The following ABCB5 variants were observed in gnomAD, a reference collection of about 807,000 sequenced individuals.
ABCB5 encodes the protein ATP-binding cassette sub-family B member 5.
Under a neutral mutation model 144.2 loss-of-function variants are expected in ABCB5, and 155 were observed. The ratio of observed to expected loss-of-function variants is 1.08; its 90% CI spans 0.94 to 1.23. ABCB5 has a LOEUF of 1.23. Ranked by LOEUF, ABCB5 falls within the 50% of genes most tolerant of loss-of-function variation. The pLI is 0.00. For missense variants in ABCB5, 1,830 were observed against 1,520.8 expected, an observed-to-expected ratio of 1.20 and a Z score of -3.38; for synonymous variants, 610 against 528.6, an observed-to-expected ratio of 1.15 and a Z score of -2.11.
In ABCB5 at chr7:20,652,674, C is replaced by T. The variant is rs181086561; in HGVS notation, c.1536+1051C>T. On this transcript the variant is annotated intron_variant, in intron 13 of 27. Coordinates refer to ENST00000404938, the MANE Select transcript of ABCB5 (RefSeq NM_001163941.2). ...CTAAAATTATTGTTAACCAGACTTACGAGATCTTAATGGGTATTTAGAATT... is the reference window on the plus strand; with the variant it reads ...CTAAAATTATTGTTAACCAGACTTATGAGATCTTAATGGGTATTTAGAATT... 6.6e-5 allele frequency among the ~76,000 whole-genome samples: 10 copies of T among 152,300 alleles called. No individual in the cohort carries two copies. In the East Asian group the frequency reaches 9.6e-4, roughly 15 times the overall value.
At chr7:20,710,839 T>C (rs1299681054) in intron 20 of ABCB5, among the ~76,000 whole-genome samples, 2 of 150,306 alleles carry the variant, frequency 1.3e-5, no homozygotes, top group Non-Finnish European at 3.0e-5. Flanking sequence ...CCATATGTTC[T>C]TTGCACAGTT....
Position 20,725,211 on chromosome 7 carries a change from T to C in ABCB5, c.2626-1829T>C, listed in dbSNP as rs573703012. 1.6e-4 allele frequency among the ~76,000 whole-genome samples: 24 copies of C among 152,332 alleles called. No homozygotes were observed. In the East Asian group the frequency reaches 4.4e-3, roughly 28 times the overall value. On this transcript the variant is annotated intron_variant, in intron 21 of 27. Coordinates refer to ENST00000404938, the MANE Select transcript of ABCB5 (RefSeq NM_001163941.2). ...ATTTACTAAACATCAATTTAGAACA[T>C]AGACTAATAAAATGTATCGGTCCTT...
At chr7:20,743,653 C>T (rs1782629366) in intron 25 of ABCB5, among the ~76,000 whole-genome samples, 1 of 152,004 alleles carries the variant, frequency 6.6e-6, no homozygotes, top group South Asian at 2.1e-4. Context: ...ACCTTGTCCT[C>T]CCCCCACCAC....
intron 24 of ABCB5, 125 bp from the exon 25 acceptor site, chr7:20,742,752 C>A: frequency 2.3e-6 from 2 of 874,910 alleles, no homozygotes; most frequent in Non-Finnish European, 3.6e-6. Flanking sequence ...GAGATGCATA[C>A]ATGTTTAAAA....
intron 25 of ABCB5, among the ~76,000 whole-genome samples, chr7:20,744,621 G>T (rs529431105): frequency 1.3e-5 from 2 of 151,062 alleles, no homozygotes; most frequent in Admixed American, 6.6e-5. Flanking sequence ...CATCCATGGG[G>T]GGAGGGGGGA....
At chr7:20,619,419 T>C (rs1346736407) in intron 1 of ABCB5, among the ~76,000 whole-genome samples, 1 of 152,340 alleles carries the variant, frequency 6.6e-6, no homozygotes, top group South Asian at 2.1e-4. Context: ...GGTTTTGATT[T>C]ACAATTTTCT....
intron 24 of ABCB5, among the ~76,000 whole-genome samples, chr7:20,740,704 A>G (rs75287108): frequency 5.9e-5 from 9 of 152,358 alleles, no homozygotes; most frequent in African/African-American, 2.2e-4. Flanking sequence ...AACCATAGGC[A>G]TGGCATAGAC....
intron 16 of ABCB5, 105 bp downstream of exon 16, chr7:20,685,941 C>T: frequency 8.6e-7 from 1 of 1,167,812 alleles, no homozygotes; most frequent in South Asian, 2.0e-5. Context: ...CTTACTGTAG[C>T]ACTAAGCTCA....
At chr7:20,744,422 T>C (rs1412283501) in intron 25 of ABCB5, among the ~76,000 whole-genome samples, 3 of 152,154 alleles carry the variant, frequency 2.0e-5, no homozygotes. Context: ...TCACTGTTCA[T>C]GTCTTAGTCT....
intron 1 of ABCB5, among the ~76,000 whole-genome samples, chr7:20,621,297 G>A (rs1783800572): frequency 6.6e-6 from 1 of 152,094 alleles, no homozygotes; most frequent in South Asian, 2.1e-4. Flanking sequence ...AAAAAGTTCT[G>A]AAGATAGATA....
Position 20,689,757 on chromosome 7 carries a change from G to A in ABCB5, c.2010+3921G>A, listed in dbSNP as rs73263618. On this transcript the variant is annotated intron_variant, in intron 16 of 27. Coordinates refer to ENST00000404938, the MANE Select transcript of ABCB5 (RefSeq NM_001163941.2). ...AAACCTCCTCCTGCAATGTCTTTGC[G>A]GCACCCTCTACTGACAGGGCTTAAC... Among the ~76,000 whole-genome samples the A allele has an allele frequency of 7.2e-5, 11 of 152,048 alleles. No homozygotes were observed. In the South Asian group the frequency reaches 1.7e-3, roughly 23 times the overall value.
rs765611731 is a variant in ABCB5, at chr7:20,658,607, G to T, written c.1638G>T (p.Leu546=). 6 of 1,614,192 alleles carry T rather than the reference G, an allele frequency of 3.7e-6. No homozygotes were observed. Among genetic ancestry groups the T allele is most frequent in the South Asian group, 2.2e-5 (2 of 91,086 alleles). Residue 546 remains leucine (L), a synonymous_variant, in exon 14 of 28, where the codon CTG becomes CTT. Transcript: ENST00000404938. ...ARALVRNPKI[L]ILDEATSALD... ...CCTTAGTTCGAAACCCCAAGATTCT[G>T]ATTTTAGATGAGGCTACGTCTGCCC...
At chr7:20,701,665 C>A (rs896377949) in intron 19 of ABCB5, among the ~76,000 whole-genome samples, 5 of 152,132 alleles carry the variant, frequency 3.3e-5, no homozygotes, top group Non-Finnish European at 5.9e-5. Context: ...ACAGTAGCTT[C>A]TGCTAATAAG....
chr7:20,717,647 A>C (rs28411345), intron 20 of ABCB5, among the ~76,000 whole-genome samples: 1 of 151,292 alleles, frequency 6.6e-6, no homozygotes, highest in Non-Finnish European at 1.5e-5. Context: ...CCATGTTGAT[A>C]AGGCTGGTCT....
intron 14 of ABCB5, among the ~76,000 whole-genome samples, chr7:20,663,754 C>T (rs1433181798): frequency 7.8e-6 from 1 of 128,778 alleles, no homozygotes; most frequent in Non-Finnish European, 1.6e-5. Context: ...CTTGATCTGT[C>T]ACCCAGGCTG....
chr7:20,695,221 CAAAT>C (rs1240380501), intron 16 of ABCB5, among the ~76,000 whole-genome samples: 1 of 151,854 alleles, frequency 6.6e-6, no homozygotes, highest in South Asian at 2.1e-4. Context: ...TACAAATAGA[CAAAT>C]AGATCAATGG....
intron 13 of ABCB5, 142 bp downstream of exon 13, chr7:20,651,765 C>A: frequency 1.2e-6 from 1 of 808,370 alleles, no homozygotes; most frequent in African/African-American, 1.7e-5. Context: ...GCTTGTCCAA[C>A]CAGTGGCACA....
intron 13 of ABCB5, among the ~76,000 whole-genome samples, 166 bp from the exon 14 acceptor site, chr7:20,658,340 T>A (rs993528368): frequency 6.6e-6 from 1 of 151,748 alleles, no homozygotes; most frequent in African/African-American, 2.4e-5. Flanking sequence ...TTTTTTTTTT[T>A]TACAGCGGTT....
chr7:20,729,949 G>A (rs551133751), intron 23 of ABCB5, among the ~76,000 whole-genome samples: 52 of 152,292 alleles, frequency 3.4e-4, no homozygotes, highest in Non-Finnish European at 6.0e-4. Flanking sequence ...TCAATTTGAG[G>A]AAATGGCCAA....
Sources: allele counts gnomAD v4.1 joint callset (sites outside exome capture counted in the v4.1 genomes callset), GRCh38; gene constraint gnomAD v4.1.1; transcripts MANE v1.5; gene names NCBI Gene and HGNC (gene_info 2026-07-23, HGNC 2026-07-21).